Variants in MOB3A observed in about 807,000 individuals in gnomAD.
MOB3A encodes MOB LAK.
MOB3A carries 17 observed loss-of-function variants against 17.8 expected under a neutral mutation model. That is an observed-to-expected ratio of 0.95 (90% CI 0.65 to 1.43). The LOEUF is 1.43. Among genes scored for constraint, MOB3A ranks in the 40% most tolerant of loss-of-function variants. The pLI is 0.00. For missense variants in MOB3A, 333 were observed against 310.8 expected, an observed-to-expected ratio of 1.07 and a Z score of -0.54; for synonymous variants, 124 against 133.2, an observed-to-expected ratio of 0.93 and a Z score of 0.48.
intron 2 of MOB3A, among the ~76,000 whole-genome samples, chr19:2,079,218 C>T (rs530355636): frequency 1.8e-4 from 27 of 152,372 alleles, no homozygotes; most frequent in African/African-American, 6.5e-4. Context: ...CCGCATCTTC[C>T]CCGGTGCCGA....
chr19:2,073,862 C>T (rs2017370913), intron 4 of MOB3A, among the ~76,000 whole-genome samples: 1 of 152,102 alleles, frequency 6.6e-6, no homozygotes, highest in East Asian at 1.9e-4. Context: ...GAAATCCTGT[C>T]TCTACTAAAA....
At chr19:2,076,367 G>A (rs1199267324) in intron 4 of MOB3A, among the ~76,000 whole-genome samples, 1 of 152,116 alleles carries the variant, frequency 6.6e-6, no homozygotes, top group Non-Finnish European at 1.5e-5. Context: ...GGGAGGCGGA[G>A]GTTGCAGTGA....
chr19:2,088,103 G>A (rs2017573769), intron 1 of MOB3A, among the ~76,000 whole-genome samples: 1 of 152,200 alleles, frequency 6.6e-6, no homozygotes. Flanking sequence ...CATACTGGGT[G>A]ATGTCTGGGG....
intron 4 of MOB3A, among the ~76,000 whole-genome samples, 192 bp downstream of exon 4, chr19:2,076,619 G>A (rs1358282411): frequency 2.0e-5 from 3 of 152,156 alleles, no homozygotes; most frequent in South Asian, 2.1e-4. Flanking sequence ...TGTTCCGTGG[G>A]AGAACGCAGG....
chr19:2,094,710 T>G (rs916664004), intron 1 of MOB3A, among the ~76,000 whole-genome samples: 2 of 152,252 alleles, frequency 1.3e-5, no homozygotes, highest in Non-Finnish European at 2.9e-5. Context: ...CCGCTGCCTA[T>G]GCAGGAGGCA....
At position 2,082,769 on chromosome 19, in the gene MOB3A, G is replaced by A. The variant is rs1327235571; in HGVS notation, c.-120+2406C>T. 1.3e-5 allele frequency among the ~76,000 whole-genome samples: 2 copies of A among 152,082 alleles called. No homozygotes were observed. The highest frequency in any genetic ancestry group is 1.9e-4 in the East Asian group (1 of 5,188). On this transcript the variant is annotated intron_variant, in intron 2 of 4. Coordinates refer to ENST00000357066, the MANE Select transcript of MOB3A (RefSeq NM_130807.3). This position sits in a 1 kb window ranked among gnomAD's most constrained non-coding sequence, Gnocchi z 4.1. ...CTGCTGACCCATCTTGGTTTTGCTC[G>A]GCGGGGCACAACCCCAGGGTCACCA... is the stretch of plus-strand genomic sequence containing the variant.
In MOB3A at chr19:2,071,887, A is replaced by C. The variant is rs1302025053; in HGVS notation, c.*1508T>G. On this transcript the variant is annotated 3_prime_UTR_variant, in exon 5 of 5. Coordinates refer to ENST00000357066, the MANE Select transcript of MOB3A (RefSeq NM_130807.3). ...CAGAGAGCTCACTATGTTATCGATA[A>C]AAAAATTCTTGGCCGGGCACAGTGG... 6.6e-6 allele frequency: 1 copy of C among 152,310 alleles called. No homozygotes were observed. The highest frequency in any genetic ancestry group is 1.5e-5 in the Non-Finnish European group (1 of 68,128). 9.4% of individuals were successfully genotyped at this position (152,310 alleles called of 1,614,324 possible).
At chr19:2,079,151 G>C (rs1322353980) in intron 2 of MOB3A, among the ~76,000 whole-genome samples, 1 of 152,234 alleles carries the variant, frequency 6.6e-6, no homozygotes, top group Non-Finnish European at 1.5e-5. Context: ...GCGTGGCGAG[G>C]CCTGACCGAT....
In MOB3A at chr19:2,088,769, T is replaced by C. The variant is rs535529210; in HGVS notation, c.-273-3441A>G. On this transcript the variant is annotated intron_variant, in intron 1 of 4. Coordinates refer to ENST00000357066, the MANE Select transcript of MOB3A (RefSeq NM_130807.3). ...AGGCATGAGCCACCACACCCGGCAA[T>C]TTTTGTATTTTTTGTAGAGACGGGG... 2.6e-5 allele frequency among the ~76,000 whole-genome samples: 4 copies of C among 152,142 alleles called. No homozygotes were observed. The East Asian group carries it at 7.7e-4, about 29-fold the overall frequency.
intron 2 of MOB3A, 97 bp from the exon 3 acceptor site, chr19:2,078,776 T>G (rs2017450954): frequency 1.8e-6 from 1 of 542,378 alleles, no homozygotes. Flanking sequence ...TTTTGTTTTT[T>G]GAGACAGGGT....
chr19:2,086,609 C>T (rs139596754), intron 1 of MOB3A, among the ~76,000 whole-genome samples: 472 of 152,126 alleles, frequency 3.1e-3, no homozygotes, highest in Admixed American at 4.8e-3. Context: ...CTGCCCACCT[C>T]GGCCTCCCAA....
At chr19:2,081,408 TGAAACCCC>T (rs2017486998) in intron 2 of MOB3A, among the ~76,000 whole-genome samples, 2 of 149,718 alleles carry the variant, frequency 1.3e-5, no homozygotes, top group Admixed American at 1.3e-4. Context: ...GCCAACATGG[TGAAACCCC>T]ATCTCTACTA....
At chr19:2,073,594 C>G (rs1320848129) in intron 4 of MOB3A, among the ~76,000 whole-genome samples, 170 bp from the exon 5 acceptor site, 1 of 152,152 alleles carries the variant, frequency 6.6e-6, no homozygotes, top group Non-Finnish European at 1.5e-5. Flanking sequence ...CCAGGGGCAG[C>G]AGGCTACCCC....
Position 2,078,059 on chromosome 19 carries a change from C to T in MOB3A, c.421+81G>A, listed in dbSNP as rs927003621. The T allele has an allele frequency of 8.3e-5, 115 of 1,381,232 alleles. 1 individual carries two copies. The highest frequency in any genetic ancestry group is 1.9e-5 in the Non-Finnish European group (20 of 1,037,830). 85.6% of individuals were successfully genotyped at this position (1,381,232 alleles called of 1,614,324 possible). ...TCGGCCTCCCAAAGCGCTGGCATTA[C>T]GGGTGTGAGCCACTGTGCTCGGCCT... is the stretch of plus-strand genomic sequence containing the variant. On this transcript the variant is annotated intron_variant, in intron 3 of 4. Coordinates refer to ENST00000357066, the MANE Select transcript of MOB3A (RefSeq NM_130807.3).
intron 4 of MOB3A, among the ~76,000 whole-genome samples, chr19:2,076,123 C>CAAAAAA (rs771808104): frequency 5.8e-5 from 2 of 34,372 alleles, no homozygotes; most frequent in African/African-American, 1.4e-4. Flanking sequence ...ACTCCATCTC[C>CAAAAAA]AAAAAAAAAA....
At chr19:2,088,277 A>G (rs1353243757) in intron 1 of MOB3A, among the ~76,000 whole-genome samples, 2 of 152,100 alleles carry the variant, frequency 1.3e-5, no homozygotes, top group Non-Finnish European at 2.9e-5. Context: ...TGCGAGTGGC[A>G]AGGCCGGGGA....
intron 1 of MOB3A, among the ~76,000 whole-genome samples, chr19:2,089,882 C>T (rs564622073): frequency 3.0e-4 from 45 of 152,096 alleles, no homozygotes; most frequent in African/African-American, 1.1e-3. Context: ...TCCCTGGCCT[C>T]CACCCACTCC....
intron 4 of MOB3A, 28 bp downstream of exon 4, chr19:2,076,783 G>A (rs1343695378): frequency 1.2e-6 from 2 of 1,608,180 alleles, no homozygotes; most frequent in Admixed American, 1.7e-5. Context: ...CACCGTAACC[G>A]CACGCCCTCA....
intron 4 of MOB3A, among the ~76,000 whole-genome samples, chr19:2,075,027 C>CTTTT (rs1424566957): frequency 6.7e-6 from 1 of 149,270 alleles, no homozygotes; most frequent in African/African-American, 2.5e-5. Flanking sequence ...TTAATCTTTT[C>CTTTT]TTTTCTTTTT....
Sources: gnomAD v4.1 joint callset for allele counts (sites outside exome capture counted in the v4.1 genomes callset) on GRCh38, gnomAD v4.1.1 for gene constraint, Gnocchi (gnomAD v3.1) non-coding constraint, MANE v1.5 for transcripts, NCBI Gene and HGNC (gene_info 2026-07-23, HGNC 2026-07-21) for gene names.